Variants in ANK1 observed in about 807,000 individuals in gnomAD.
ANK1 encodes the protein ankyrin 1.
ANK1 carries 51 observed loss-of-function variants against 210.4 expected under a neutral mutation model. The ratio of observed to expected loss-of-function variants is 0.24; its 90% CI spans 0.19 to 0.31. The LOEUF (loss-of-function observed/expected upper bound fraction) is 0.31. ANK1 is among the 10% of genes least tolerant of loss of function. ANK1 has a pLI of 1.00. For missense variants in ANK1, 2,051 were observed against 2,504.4 expected (o/e 0.82, Z 3.86); for synonymous variants, 967 against 1,025.9 (o/e 0.94, Z 1.10).
intron 1 of ANK1, among the ~76,000 whole-genome samples, chr8:41,878,549 C>A (rs1036543965): frequency 6.6e-6 from 1 of 152,228 alleles, no homozygotes. Context: ...TAGAAAAATA[C>A]AAGTGCTAGC....
Position 41,653,448 on chromosome 8 carries a change from G to C in ANK1, c.*2342C>G, listed in dbSNP as rs886062929. On this transcript the variant is annotated 3_prime_UTR_variant, in exon 43 of 43. Transcript: ENST00000289734. ...CAGCATTCTCTAGGCATCGTGTGGAGACCCCAAACTCCTCCCCTAACGGCT... is the reference window on the plus strand; with the variant it reads ...CAGCATTCTCTAGGCATCGTGTGGACACCCCAAACTCCTCCCCTAACGGCT... 6.5e-6 allele frequency: 1 copy of C among 152,702 alleles called. No individual in the cohort carries two copies. The highest frequency in any genetic ancestry group is 6.5e-5 in the Admixed American group (1 of 15,282). 9.5% of individuals were successfully genotyped at this position (152,702 alleles called of 1,614,324 possible). A position where few individuals can be genotyped will look rare whatever the true frequency, so the allele number is the denominator to read the frequency against.
At chr8:41,683,397 G>A (rs1224668947) in intron 37 of ANK1, among the ~76,000 whole-genome samples, 1 of 152,220 alleles carries the variant, frequency 6.6e-6, no homozygotes, top group Non-Finnish European at 1.5e-5. Context: ...GGGACAGGGA[G>A]GGCTCAGCGA....
chr8:41,690,179 A>G, intron 33 of ANK1, 48 bp downstream of exon 33: 1 of 1,613,498 alleles, frequency 6.2e-7, no homozygotes, highest in African/African-American at 1.3e-5. Flanking sequence ...GGGACCTCCT[A>G]CAGGGAAGCC....
chr8:41,895,771 CG>C lies in ANK1; in HGVS notation c.126+583del, dbSNP rs375866201. ...GCGCCTTCTTTTCTGCTACCAGATC[CG>C]GAGGGTCAGGAAAGGTGCTCCCTGA... On this transcript the variant is annotated intron_variant, in intron 1 of 42. Coordinates refer to the ANK1 transcript ENST00000265709. Among the ~76,000 whole-genome samples, 820 of 152,204 alleles carry C rather than the reference CG, an allele frequency of 5.4e-3. 4 individuals are homozygous for C. The highest frequency in any genetic ancestry group is 0.019 in the African/African-American group (774 of 41,496).
chr8:41,889,183 C>G (rs1488326167), intron 1 of ANK1, among the ~76,000 whole-genome samples: 2 of 152,164 alleles, frequency 1.3e-5, no homozygotes, highest in African/African-American at 4.8e-5. Flanking sequence ...CTCTCAGTGC[C>G]TAGCATAGCT....
intron 1 of ANK1, among the ~76,000 whole-genome samples, chr8:41,766,096 A>C (rs534931209): frequency 3.3e-5 from 5 of 152,362 alleles, no homozygotes; most frequent in Admixed American, 6.5e-5. Context: ...CACTTTCCCA[A>C]GGGGTCTTGT....
At chr8:41,764,128 T>C (rs887085618) in intron 1 of ANK1, among the ~76,000 whole-genome samples, 2 of 150,522 alleles carry the variant, frequency 1.3e-5, no homozygotes, top group Non-Finnish European at 3.0e-5. Flanking sequence ...TCTCTTGATC[T>C]GAATAATCAA....
intron 42 of ANK1, among the ~76,000 whole-genome samples, chr8:41,658,107 T>C (rs1806417132): frequency 1.3e-5 from 2 of 152,160 alleles, no homozygotes; most frequent in Non-Finnish European, 1.5e-5. Flanking sequence ...TCATCTCAAA[T>C]TATCCTCCTG....
At chr8:41,812,481 C>A (rs945908948) in intron 1 of ANK1, among the ~76,000 whole-genome samples, 1 of 152,222 alleles carries the variant, frequency 6.6e-6, no homozygotes, top group Non-Finnish European at 1.5e-5. Context: ...AAAGGCTGTC[C>A]TGCTATGCAG....
chr8:41,884,943 G>A (rs971737069), intron 1 of ANK1, among the ~76,000 whole-genome samples: 7 of 152,162 alleles, frequency 4.6e-5, no homozygotes, highest in African/African-American at 9.7e-5. Flanking sequence ...CTAGGAGCAC[G>A]GGGAGGCTTG....
chr8:41,765,447 A>G (rs899038887), intron 1 of ANK1, among the ~76,000 whole-genome samples: 3 of 151,880 alleles, frequency 2.0e-5, no homozygotes, highest in Non-Finnish European at 2.9e-5. Flanking sequence ...AAGTCTCCCT[A>G]TGTTGCCCAG....
In ANK1 at chr8:41,695,218, C is replaced by G; in HGVS notation, c.3074G>C (p.Gly1025Ala). 1 of 1,614,192 alleles carries G rather than the reference C, an allele frequency of 6.2e-7. No homozygotes were observed. Among genetic ancestry groups the G allele is most frequent in the Non-Finnish European group, 8.5e-7 (1 of 1,180,042 alleles). Residue 1025 changes from glycine (G) to alanine (A), a missense_variant, in exon 27 of 43, where the codon GGA (glycine) becomes GCA (alanine). By Grantham distance (60) the Gly-to-Ala change is moderately conservative (BLOSUM62 0). Around this residue, in one of 6 missense-constraint regions of ANK1, gnomAD observed 1,413 missense variants for 1,707.4 expected, o/e 0.83. Transcript: ENST00000289734. ...SVWKEHRSRY[G>A]ESYLDQILNG... ...GAGGATCTGATCCAGGTAGCTCTCT[C>G]CATAGCGGCTCCTGTGCTCCTTCCA...
At chr8:41,703,448 A>ATATATATATATG (rs1823551215) in intron 20 of ANK1, among the ~76,000 whole-genome samples, 1 of 60,198 alleles carries the variant, frequency 1.7e-5, no homozygotes, top group Non-Finnish European at 3.0e-5. Flanking sequence ...ATATATATAT[A>ATATATATATATG]TATTTTTTTT....
chr8:41,862,639 G>T, intron 1 of ANK1, among the ~76,000 whole-genome samples: 1 of 150,312 alleles, frequency 6.7e-6, no homozygotes, highest in South Asian at 2.1e-4. Context: ...CAGAGGAAGG[G>T]GTTGAGAGAG....
intron 1 of ANK1, among the ~76,000 whole-genome samples, chr8:41,816,993 A>G (rs1803452731): frequency 6.6e-6 from 1 of 152,232 alleles, no homozygotes; most frequent in South Asian, 2.1e-4. Flanking sequence ...CTTATAAGAG[A>G]ATAGCTGGAT....
intron 1 of ANK1, among the ~76,000 whole-genome samples, chr8:41,834,500 CAGGACA>C (rs1305761166): frequency 1.3e-5 from 2 of 152,220 alleles, no homozygotes; most frequent in African/African-American, 4.8e-5. Flanking sequence ...TCCCTAAACC[CAGGACA>C]CAAGTCACCA....
intron 1 of ANK1, among the ~76,000 whole-genome samples, chr8:41,784,031 C>G (rs1329160505): frequency 6.8e-6 from 1 of 147,124 alleles, no homozygotes; most frequent in African/African-American, 2.5e-5. Flanking sequence ...CCTAGGCAGA[C>G]TTGGTGGCAT....
chr8:41,826,219 C>T (rs1051423841), intron 1 of ANK1, among the ~76,000 whole-genome samples: 1 of 152,178 alleles, frequency 6.6e-6, no homozygotes, highest in Non-Finnish European at 1.5e-5. Flanking sequence ...TGCAATTGCC[C>T]TATTTTTCTA....
At chr8:41,839,114 G>C (rs932008807) in intron 1 of ANK1, among the ~76,000 whole-genome samples, 1 of 152,170 alleles carries the variant, frequency 6.6e-6, no homozygotes, top group African/African-American at 2.4e-5. Context: ...AACAATGACT[G>C]TACCACCTGC....
Sources: allele counts gnomAD v4.1 joint callset (sites outside exome capture counted in the v4.1 genomes callset), GRCh38; gene constraint gnomAD v4.1.1; regional missense constraint gnomAD v4.1.1; transcripts MANE v1.5; gene names NCBI Gene and HGNC (gene_info 2026-07-23, HGNC 2026-07-21).